The following KDM4A variants were observed in gnomAD, a reference collection of about 807,000 sequenced individuals.
KDM4A encodes the protein lysine demethylase 4A.
KDM4A carries 23 observed loss-of-function variants against 127.1 expected under a neutral mutation model. The observed-to-expected ratio is 0.18, with a 90% CI of 0.13 to 0.26. The LOEUF is 0.26. KDM4A is among the 10% of genes least tolerant of loss of function. The pLI, the probability that KDM4A is intolerant of heterozygous loss-of-function variation, is 1.00. For synonymous variants in KDM4A, 443 were observed against 466.5 expected (o/e 0.95, Z 0.65); for missense variants, 890 against 1,329.1 (o/e 0.67, Z 5.14).
chr1:43,699,518 C>T (rs1384481085), intron 19 of KDM4A, among the ~76,000 whole-genome samples: 1 of 152,128 alleles, frequency 6.6e-6, no homozygotes, highest in Non-Finnish European at 1.5e-5. Flanking sequence ...CTCTAACTTA[C>T]AGTGGTTTCA....
intron 11 of KDM4A, among the ~76,000 whole-genome samples, chr1:43,673,146 T>C (rs1235733540): frequency 6.6e-6 from 1 of 152,076 alleles, no homozygotes; most frequent in Non-Finnish European, 1.5e-5. Flanking sequence ...TGATCAGTCA[T>C]GTCAGATGCC....
At chr1:43,661,202 C>G (rs1460250202) in intron 4 of KDM4A, among the ~76,000 whole-genome samples, 4 of 151,848 alleles carry the variant, frequency 2.6e-5, no homozygotes, top group Non-Finnish European at 5.9e-5. Context: ...TTTAAACTCC[C>G]GACCTCAGGT....
In KDM4A at chr1:43,671,776, C is replaced by G. The variant is rs772631446; in HGVS notation, c.1635C>G (p.His545Gln). The G allele has an allele frequency of 6.2e-7, 1 of 1,613,246 alleles. No homozygotes were observed. The highest frequency in any genetic ancestry group is 8.5e-7 in the Non-Finnish European group (1 of 1,179,492). Residue 545 changes from histidine (H) to glutamine (Q), a missense_variant, in exon 11 of 22, where the codon CAC becomes CAG. His to Gln is a conservative substitution (Grantham distance 24, BLOSUM62 0). Coordinates refer to ENST00000372396, the MANE Select transcript of KDM4A (RefSeq NM_014663.3). ...AQGQTGVLTV[H>Q]SYAKGDGRVT... Reference sequence around the variant, plus strand: ...GGCAAACGGGAGTTCTCACTGTGCACAGTTATGCCAAAGGGGATGGCAGGG... The same window carrying G: ...GGCAAACGGGAGTTCTCACTGTGCAGAGTTATGCCAAAGGGGATGGCAGGG...
At chr1:43,652,490 AT>A (rs1660136117) in intron 1 of KDM4A, among the ~76,000 whole-genome samples, 1 of 151,808 alleles carries the variant, frequency 6.6e-6, no homozygotes, top group Non-Finnish European at 1.5e-5. Context: ...TTTCTAGTTT[AT>A]TTAAATAACT....
intron 3 of KDM4A, among the ~76,000 whole-genome samples, chr1:43,659,022 T>A (rs1274068767): frequency 1.3e-5 from 2 of 151,920 alleles, no homozygotes; most frequent in African/African-American, 4.8e-5. Flanking sequence ...TTAGACTGGG[T>A]GCATTGGCTA....
Position 43,693,863 on chromosome 1 carries a change from G to A in KDM4A, c.2376-131G>A, listed in dbSNP as rs953689792. The A allele has an allele frequency of 1.5e-6, 1 of 683,300 alleles. No homozygotes were observed. The highest frequency in any genetic ancestry group is 1.8e-5 in the African/African-American group (1 of 55,824). 42.3% of individuals were successfully genotyped at this position (683,300 alleles called of 1,614,324 possible). On this transcript the variant is annotated intron_variant, in intron 16 of 21. Coordinates refer to ENST00000372396, the MANE Select transcript of KDM4A (RefSeq NM_014663.3). This position sits in a 1 kb window ranked among gnomAD's most constrained non-coding sequence, Gnocchi z 4.2. The stretch of plus-strand genomic sequence containing the variant: ...ACGGTTCTGGTTCTCACCTTCCTGG[G>A]TCCCAGGCATGTGCTGGTGGAAGTC...
chr1:43,674,776 T>C (rs1296131476), intron 11 of KDM4A, among the ~76,000 whole-genome samples: 1 of 152,126 alleles, frequency 6.6e-6, no homozygotes, highest in African/African-American at 2.4e-5. Flanking sequence ...CCCAAAGTGC[T>C]GAGATTACAG....
chr1:43,703,893 A>C, intron 20 of KDM4A, 127 bp from the exon 21 acceptor site: 3 of 1,302,466 alleles, frequency 2.3e-6, no homozygotes, highest in Non-Finnish European at 1.1e-6. Flanking sequence ...GCCAAATGTG[A>C]AGTAAGGTAG....
At chr1:43,687,278 A>T (rs1661009161) in intron 12 of KDM4A, among the ~76,000 whole-genome samples, 1 of 152,230 alleles carries the variant, frequency 6.6e-6, no homozygotes, top group Non-Finnish European at 1.5e-5. Context: ...AGCGTAGAAT[A>T]CTATCTGCAC....
rs1392592398 is a variant in KDM4A, at chr1:43,689,031, A to G, written c.1973A>G (p.Asn658Ser). 3 of 1,614,146 alleles carry G rather than the reference A, an allele frequency of 1.9e-6. No homozygotes were observed. The highest frequency in any genetic ancestry group is 1.7e-6 in the Non-Finnish European group (2 of 1,180,056). Residue 658 changes from asparagine to serine, a missense_variant, in exon 13 of 22, where the codon AAT becomes AGT. Asn to Ser is a conservative substitution (Grantham distance 46). Around this residue, in one of 7 missense-constraint regions of KDM4A, gnomAD observed 389 missense variants for 485.9 expected, o/e 0.80. Coordinates refer to ENST00000372396, the MANE Select transcript of KDM4A (RefSeq NM_014663.3). ...PPNFEAEKEF[N>S]ETMAQQAPHC... ...AACTTTGAGGCTGAGAAGGAATTCAATGAGACCATGGCCCAACAGGCCCCT... is the reference window on the plus strand; with the variant it reads ...AACTTTGAGGCTGAGAAGGAATTCAGTGAGACCATGGCCCAACAGGCCCCT...
In KDM4A at chr1:43,694,672, T is replaced by C. The variant is rs770779345; in HGVS notation, c.2485-37T>C. Reference sequence around the variant, plus strand: ...ACAACAGAGGAAGCTGCAGTGCCAGTTCCTGCAATCACTGGTTTTCTTCCC... The same window carrying C: ...ACAACAGAGGAAGCTGCAGTGCCAGCTCCTGCAATCACTGGTTTTCTTCCC... On this transcript the variant is annotated intron_variant, in intron 17 of 21. Coordinates refer to ENST00000372396, the MANE Select transcript of KDM4A (RefSeq NM_014663.3). The surrounding 1 kb of genome is among the most constrained non-coding windows in gnomAD (Gnocchi z 5.2). The C allele has an allele frequency of 5.7e-6, 9 of 1,574,176 alleles. No individual in the cohort carries two copies. The highest frequency in any genetic ancestry group is 7.8e-6 in the Non-Finnish European group (9 of 1,148,886).
chr1:43,665,246 G>A (rs772350084), intron 5 of KDM4A, among the ~76,000 whole-genome samples: 1 of 152,128 alleles, frequency 6.6e-6, no homozygotes, highest in Non-Finnish European at 1.5e-5. Flanking sequence ...GGTCTCTTAA[G>A]TGTCAGATCC....
chr1:43,657,722 T>C (rs1006530238), intron 3 of KDM4A, among the ~76,000 whole-genome samples: 1 of 151,950 alleles, frequency 6.6e-6, no homozygotes, highest in Non-Finnish European at 1.5e-5. Flanking sequence ...TCAGCCTTTT[T>C]TCCCTTTTTG....
rs559160486 is a variant in KDM4A, at chr1:43,704,599, G to T, written c.*229G>T. ...CAGTCGCTGATCTCCCAGCTGAGGG[G>T]CTGAGCACTGGAATGCTGTGGCTGC... On this transcript the variant is annotated 3_prime_UTR_variant, in exon 22 of 22. Transcript: ENST00000372396. 1.9e-6 allele frequency: 1 copy of T among 528,268 alleles called. No homozygotes were observed. The highest frequency in any genetic ancestry group is 1.9e-5 in the African/African-American group (1 of 52,350). 32.7% of individuals were successfully genotyped at this position (528,268 alleles called of 1,614,324 possible).
chr1:43,689,158 T>C, intron 13 of KDM4A, 63 bp downstream of exon 13: 2 of 1,536,988 alleles, frequency 1.3e-6, no homozygotes, highest in Non-Finnish European at 1.8e-6. Context: ...CTAGATTTAA[T>C]TGTGAGTATA....
At chr1:43,666,402 C>T (rs765205735) in intron 6 of KDM4A, 50 bp from the exon 7 acceptor site, 14 of 1,443,172 alleles carry the variant, frequency 9.7e-6, no homozygotes, top group Middle Eastern at 1.7e-4. Context: ...TCCAGGATTG[C>T]GGAGCTAGTG....
intron 4 of KDM4A, among the ~76,000 whole-genome samples, chr1:43,660,716 A>C (rs1175218628): frequency 6.6e-6 from 1 of 152,198 alleles, no homozygotes; most frequent in African/African-American, 2.4e-5. Flanking sequence ...CAGATAATGA[A>C]ATGAGGCAGT....
intron 4 of KDM4A, among the ~76,000 whole-genome samples, chr1:43,661,190 G>A (rs1343819530): frequency 6.6e-6 from 1 of 151,904 alleles, no homozygotes; most frequent in African/African-American, 2.4e-5. Flanking sequence ...GCTCAGGCTG[G>A]TTTTAAACTC....
rs755367705 is a variant in KDM4A, at chr1:43,694,771, C to A, written c.2547C>A (p.His849Gln). 6.2e-7 allele frequency: 1 copy of A among 1,614,102 alleles called. No individual in the cohort carries two copies. Among genetic ancestry groups the A allele is most frequent in the Non-Finnish European group, 8.5e-7 (1 of 1,179,976 alleles). Reference protein sequence around the residue: ...RTAGCCVQCSHGRCPTAFHVS... With the variant: ...RTAGCCVQCSQGRCPTAFHVS... The stretch of plus-strand genomic sequence containing the variant: ...CTGGCTGCTGTGTGCAGTGTTCTCA[C>A]GGCCGCTGCCCAACTGCCTTCCATG... Residue 849 changes from histidine to glutamine, a missense_variant, in exon 18 of 22, where the codon CAC (histidine) becomes CAA (glutamine). His to Gln is a conservative substitution (Grantham distance 24). Transcript: ENST00000372396. This position sits in a 1 kb window ranked among gnomAD's most constrained non-coding sequence, Gnocchi z 5.2.
Sources: gnomAD v4.1 joint callset for allele counts (sites outside exome capture counted in the v4.1 genomes callset) on GRCh38, gnomAD v4.1.1 for gene constraint, gnomAD v4.1.1 regional missense constraint, Gnocchi (gnomAD v3.1) non-coding constraint, MANE v1.5 for transcripts, NCBI Gene and HGNC (gene_info 2026-07-23, HGNC 2026-07-21) for gene names.